MTMR8: variants seen among roughly 807,000 people sequenced by gnomAD.
The protein encoded by MTMR8 is myotubularin related protein 8.
A neutral mutation model predicts 39.3 loss-of-function variants in MTMR8; 65 were observed. That is an observed-to-expected ratio of 1.65 (90% CI 1.35 to 2.03). The LOEUF (loss-of-function observed/expected upper bound fraction) is 2.03, where lower values mean the gene tolerates loss of function less well. MTMR8 is among the 30% of genes most tolerant of loss of function. The pLI is 0.00. For missense variants in MTMR8, 777 were observed against 538.9 expected, an observed-to-expected ratio of 1.44 and a Z score of -4.37; for synonymous variants, 245 against 185.2, an observed-to-expected ratio of 1.32 and a Z score of -2.62.
chrX:64,276,133 C>A (rs974373282), intron 12 of MTMR8, among the ~76,000 whole-genome samples: 1 of 111,319 alleles, frequency 9.0e-6, no homozygotes, highest in Non-Finnish European at 1.9e-5. Flanking sequence ...TTGAAAAAAA[C>A]AGCTCCTGGA....
At chrX:64,380,526 C>T (rs1186525338) in intron 1 of MTMR8, among the ~76,000 whole-genome samples, 1 of 112,372 alleles carries the variant, frequency 8.9e-6, no homozygotes, top group Non-Finnish European at 1.9e-5. Context: ...TGAATTAATC[C>T]AAACTTCATC....
intron 12 of MTMR8, among the ~76,000 whole-genome samples, chrX:64,283,030 G>A (rs986372385): frequency 8.0e-5 from 9 of 112,161 alleles, no homozygotes; most frequent in African/African-American, 9.7e-5. Context: ...GCGAGGCATC[G>A]CCTCACCCAG....
chrX:64,283,787 C>A (rs1206636796), intron 12 of MTMR8, among the ~76,000 whole-genome samples: 2 of 112,468 alleles, frequency 1.8e-5, no homozygotes, highest in African/African-American at 6.5e-5. Flanking sequence ...GGAAAACTAA[C>A]AAACAGAAAG....
At chrX:64,360,679 C>T (rs1923756033) in intron 1 of MTMR8, among the ~76,000 whole-genome samples, 1 of 111,078 alleles carries the variant, frequency 9.0e-6, no homozygotes, top group Non-Finnish European at 1.9e-5. Context: ...AACACAATAG[C>T]TTATTACTAA....
chrX:64,344,581 C>A (rs1210855851), intron 7 of MTMR8, among the ~76,000 whole-genome samples: 1 of 111,335 alleles, frequency 9.0e-6, no homozygotes, highest in Non-Finnish European at 1.9e-5. Flanking sequence ...GATAACAGAT[C>A]ACCAAAACTG....
rs141918136 is a variant in MTMR8 at position 64,351,557 on chromosome X, A to C, written c.469-1487T>G. Among the ~76,000 whole-genome samples the C allele has an allele frequency of 5.2e-3, 576 of 111,140 alleles. 4 individuals are homozygous for C. Among genetic ancestry groups the C allele is most frequent in the African/African-American group, 0.018 (547 of 30,535 alleles). ...TTAAGGAGAATTGACTCATACAATC[A>C]AAAGGTAAAGTCCCACAGTAGGCCG... On this transcript the variant is annotated intron_variant, in intron 4 of 13. Transcript: ENST00000374852.
At chrX:64,382,324 T>C (rs1924449044) in intron 1 of MTMR8, among the ~76,000 whole-genome samples, 1 of 111,764 alleles carries the variant, frequency 8.9e-6, no homozygotes, top group South Asian at 3.8e-4. Flanking sequence ...TTCACGTCCC[T>C]TGTAAGTTGG....
At chrX:64,275,488 G>T (rs770295431) in intron 12 of MTMR8, among the ~76,000 whole-genome samples, 1 of 109,048 alleles carries the variant, frequency 9.2e-6, no homozygotes, top group Non-Finnish European at 1.9e-5. Context: ...TTGAGGCCAG[G>T]AGTTCGAGAC....
At position 64,354,943 on chromosome X, in the gene MTMR8, G is replaced by C; in HGVS notation, c.311-9C>G. 1.0e-5 allele frequency: 12 copies of C among 1,172,411 alleles called. No individual in the cohort carries two copies. Among genetic ancestry groups the C allele is most frequent in the Non-Finnish European group, 1.4e-5 (12 of 873,827 alleles). On this transcript the variant is annotated splice_polypyrimidine_tract_variant and intron_variant, in intron 3 of 13. Transcript: ENST00000374852. The stretch of plus-strand genomic sequence containing the variant: ...AAGATCTTCAGGTAATGCTGGAGAA[G>C]AGAGATAGGCATGGAAAACAAAATG...
intron 12 of MTMR8, among the ~76,000 whole-genome samples, chrX:64,275,174 C>A (rs1931844137): frequency 9.1e-6 from 1 of 110,395 alleles, no homozygotes; most frequent in Admixed American, 9.7e-5. Context: ...GAAATATATA[C>A]AATTATGACT....
chrX:64,291,446 T>C (rs1194329211), intron 12 of MTMR8, among the ~76,000 whole-genome samples: 1 of 110,968 alleles, frequency 9.0e-6, no homozygotes, highest in Non-Finnish European at 1.9e-5. Context: ...GAAGAGAAGT[T>C]TCCTTGCCTT....
chrX:64,336,210 T>C (rs1292694736), intron 9 of MTMR8, 82 bp from the exon 10 acceptor site: 2 of 664,198 alleles, frequency 3.0e-6, no homozygotes, highest in East Asian at 3.5e-5. Context: ...GTCAAAACAC[T>C]TTGCTGAAAT....
In MTMR8 at chrX:64,268,851, C is replaced by T. The variant is rs756340183; in HGVS notation, c.1801G>A (p.Val601Ile). ...TGGAGGTCTGCACCCTGGCTTTTTACTTGATCCATCTGAGCTCGGAGGCCT... is the reference window on the plus strand; with the variant it reads ...TGGAGGTCTGCACCCTGGCTTTTTATTTGATCCATCTGAGCTCGGAGGCCT... ...EGGLRAQMDQ[V>I]KSQGADLHHN... Residue 601 changes from valine to isoleucine, a missense_variant, in exon 14 of 14, where the codon GTA becomes ATA. Val to Ile is a conservative substitution (Grantham distance 29, BLOSUM62 3). Coordinates refer to ENST00000374852, the MANE Select transcript of MTMR8 (RefSeq NM_017677.4). 2.5e-6 allele frequency: 3 copies of T among 1,211,795 alleles called. No individual in the cohort carries two copies. The South Asian group carries it at 5.3e-5, about 21-fold the overall frequency.
At chrX:64,289,003 A>T (rs868137983) in intron 12 of MTMR8, among the ~76,000 whole-genome samples, 1 of 110,023 alleles carries the variant, frequency 9.1e-6, no homozygotes, top group African/African-American at 3.3e-5. Context: ...TGTACCCTAG[A>T]ATTTAAAGTA....
At chrX:64,350,478 A>G (rs928149762) in intron 4 of MTMR8, among the ~76,000 whole-genome samples, 2 of 111,606 alleles carry the variant, frequency 1.8e-5, no homozygotes, top group Non-Finnish European at 3.8e-5. Flanking sequence ...CTAAAAGTAC[A>G]TTTTGTTCTT....
Position 64,305,085 on chromosome X carries a change from G to A in MTMR8, c.1481+23687C>T, listed in dbSNP as rs761337522. The A allele has an allele frequency of 7.3e-4, 153 of 210,270 alleles. 1 individual carries two copies. Among genetic ancestry groups the A allele is most frequent in the Non-Finnish European group, 1.2e-3 (129 of 104,883 alleles). The allele number at this position is 210,270 out of a possible 1,213,427, so 17.3% of individuals were successfully genotyped here. ...CTATTGGTATACTGGCAGATAAATT[G>A]AAACCAAATGTTCCACCTTGAATTG... On this transcript the variant is annotated intron_variant, in intron 12 of 13. Coordinates refer to ENST00000374852, the MANE Select transcript of MTMR8 (RefSeq NM_017677.4).
At chrX:64,395,041 G>A (rs1006541197) in intron 1 of MTMR8, among the ~76,000 whole-genome samples, 1 of 112,393 alleles carries the variant, frequency 8.9e-6, no homozygotes, top group Non-Finnish European at 1.9e-5. Flanking sequence ...GTGAGGTCAA[G>A]GCTAGGGAGG....
chrX:64,375,125 C>G (rs1442191674), intron 1 of MTMR8, among the ~76,000 whole-genome samples: 6 of 108,214 alleles, frequency 5.5e-5, no homozygotes, highest in African/African-American at 2.0e-4. Context: ...TTTTGGGAGG[C>G]CAAGGCAGGA....
At chrX:64,269,131 G>A in intron 13 of MTMR8, 88 bp from the exon 14 acceptor site, 1 of 965,774 alleles carries the variant, frequency 1.0e-6, no homozygotes, top group East Asian at 3.1e-5. Flanking sequence ...AGATCCTATT[G>A]CTGTCACTTA....
Sources: allele counts gnomAD v4.1 joint callset (sites outside exome capture counted in the v4.1 genomes callset), GRCh38; gene constraint gnomAD v4.1.1; transcripts MANE v1.5; gene names NCBI Gene and HGNC (gene_info 2026-07-23, HGNC 2026-07-21).